The following LYRM4 variants were observed in gnomAD, a reference collection of about 807,000 sequenced individuals.
LYRM4 encodes LYR motif-containing protein 4.
In LYRM4, 9 loss-of-function variants were observed where a neutral mutation model predicts 11.7. The ratio of observed to expected loss-of-function variants is 0.77; its 90% CI spans 0.46 to 1.34. The LOEUF (loss-of-function observed/expected upper bound fraction) is 1.34, where lower values mean the gene tolerates loss of function less well. LYRM4 is among the 40% of genes most tolerant of loss of function. The pLI, the probability that LYRM4 is intolerant of heterozygous loss-of-function variation, is 0.00. For synonymous variants in LYRM4, 42 were observed against 40.4 expected (o/e 1.04, Z -0.15); for missense variants, 133 against 112.5 (o/e 1.18, Z -0.82).
chr6:5,060,303 T>C, the LYRM4 span, among the ~76,000 whole-genome samples: 1 of 149,886 alleles, frequency 6.7e-6, no homozygotes, highest in Non-Finnish European at 1.5e-5. Context: ...TGTGTGTTGA[T>C]TGTCTTTTGG....
chr6:5,133,477 G>A (rs1764049773), intron 2 of LYRM4, among the ~76,000 whole-genome samples: 1 of 152,182 alleles, frequency 6.6e-6, no homozygotes, highest in African/African-American at 2.4e-5. Context: ...CTCTGTCAAT[G>A]ATTCCAAACC....
chr6:5,088,265 T>A, the LYRM4 span: 2 of 152,144 alleles, frequency 1.3e-5, no homozygotes, highest in African/African-American at 4.8e-5. Context: ...TGGCTAATTT[T>A]TGTATTTTTG....
At chr6:5,133,411 C>T (rs1387902726) in intron 2 of LYRM4, among the ~76,000 whole-genome samples, 1 of 152,180 alleles carries the variant, frequency 6.6e-6, no homozygotes, top group East Asian at 1.9e-4. Flanking sequence ...TTAAATCTAG[C>T]ACGCCACCAC....
At chr6:5,159,321 G>A (rs1050536141) in intron 2 of LYRM4, among the ~76,000 whole-genome samples, 2 of 152,224 alleles carry the variant, frequency 1.3e-5, no homozygotes, top group African/African-American at 4.8e-5. Context: ...CCTAGAAGGG[G>A]CTATGGAGGG....
chr6:5,161,707 T>A (rs1018056629), intron 2 of LYRM4, among the ~76,000 whole-genome samples: 1 of 152,166 alleles, frequency 6.6e-6, no homozygotes, highest in African/African-American at 2.4e-5. Context: ...ACATTTCTCA[T>A]TGGAGGAGGC....
At chr6:5,119,794 C>CAAAAAA (rs968606439) in intron 2 of LYRM4, among the ~76,000 whole-genome samples, 40 of 16,790 alleles carry the variant, frequency 2.4e-3, no homozygotes, top group Non-Finnish European at 3.9e-3. Context: ...GTCTCCATAA[C>CAAAAAA]AAAAAAAAAA....
At chr6:5,182,898 T>C (rs1476866881) in intron 2 of LYRM4, among the ~76,000 whole-genome samples, 2 of 152,242 alleles carry the variant, frequency 1.3e-5, no homozygotes, top group East Asian at 1.9e-4. Context: ...TTTTATGTTA[T>C]AGAGAATTTT....
chr6:5,254,164 A>T (rs1209671925), intron 1 of LYRM4, among the ~76,000 whole-genome samples: 2 of 152,208 alleles, frequency 1.3e-5, no homozygotes, highest in Non-Finnish European at 2.9e-5. Flanking sequence ...GTCAACAGAA[A>T]CGGCCCAACT....
intron 2 of LYRM4, among the ~76,000 whole-genome samples, chr6:5,149,032 T>A (rs1248837507): frequency 1.3e-5 from 2 of 152,238 alleles, no homozygotes; most frequent in Non-Finnish European, 2.9e-5. Context: ...AATTATTATA[T>A]TTTTAGGATT....
At chr6:5,085,801 G>C in the LYRM4 span, 1 of 1,528,638 alleles carries the variant, frequency 6.5e-7, no homozygotes, top group Non-Finnish European at 8.8e-7. Context: ...GCAGCAACAG[G>C]CGGTGGCACT....
intron 2 of LYRM4, among the ~76,000 whole-genome samples, chr6:5,177,985 C>A (rs1253507206): frequency 6.8e-6 from 1 of 146,046 alleles, no homozygotes; most frequent in Non-Finnish European, 1.5e-5. Context: ...TCACTATACC[C>A]ACATATGCCA....
chr6:5,210,535 A>G (rs1161788014), intron 2 of LYRM4, among the ~76,000 whole-genome samples: 1 of 152,188 alleles, frequency 6.6e-6, no homozygotes, highest in Admixed American at 6.5e-5. Flanking sequence ...AAAAACACAA[A>G]CCATAAAATG....
chr6:5,245,111 AAAATATATATATATATATAT>A (rs1483485569), intron 1 of LYRM4, among the ~76,000 whole-genome samples: 22 of 32,290 alleles, frequency 6.8e-4, no homozygotes, highest in African/African-American at 2.7e-3. Flanking sequence ...AAAAAAAAAA[AAAATATATATATATATATAT>A]ATATATATAT....
intron 2 of LYRM4, among the ~76,000 whole-genome samples, chr6:5,154,857 G>A (rs917961672): frequency 1.3e-5 from 2 of 152,040 alleles, no homozygotes; most frequent in African/African-American, 4.8e-5. Flanking sequence ...AAAGAAAGGC[G>A]GATTCACAAA....
chr6:5,098,418 C>T, the LYRM4 span, among the ~76,000 whole-genome samples: 1 of 152,160 alleles, frequency 6.6e-6, no homozygotes, highest in South Asian at 2.1e-4. Context: ...CCCAGAGATC[C>T]CCGCTTCACA....
chr6:5,145,994 C>T (rs909873946), intron 2 of LYRM4, among the ~76,000 whole-genome samples: 7 of 152,200 alleles, frequency 4.6e-5, no homozygotes, highest in Non-Finnish European at 1.0e-4. Context: ...ATCAACTCTG[C>T]AATTAATTTT....
intron 2 of LYRM4, among the ~76,000 whole-genome samples, chr6:5,139,186 T>C (rs1179460445): frequency 6.4e-4 from 97 of 152,330 alleles, no homozygotes; most frequent in Non-Finnish European, 2.9e-5. Context: ...TGACAATAGC[T>C]GGTGAGCGGC....
chr6:5,258,553 GA>G (rs1296739789), intron 1 of LYRM4, among the ~76,000 whole-genome samples: 6 of 152,244 alleles, frequency 3.9e-5, no homozygotes, highest in Non-Finnish European at 8.8e-5. Context: ...AGAGATTAGA[GA>G]GGAGGGAAGG....
chr6:5,095,856 T>G, the LYRM4 span, among the ~76,000 whole-genome samples: 1 of 152,150 alleles, frequency 6.6e-6, no homozygotes, highest in Non-Finnish European at 1.5e-5. Flanking sequence ...GGCTCACCCC[T>G]GCCGTCCCAG....
Sources: allele counts gnomAD v4.1 joint callset (sites outside exome capture counted in the v4.1 genomes callset), GRCh38; gene constraint gnomAD v4.1.1; transcripts MANE v1.5; gene names NCBI Gene and HGNC (gene_info 2026-07-23, HGNC 2026-07-21).